The following TRPC7 variants were observed in gnomAD, a reference collection of about 807,000 sequenced individuals.
The protein encoded by TRPC7 is transient receptor potential cation channel subfamily C member 7.
Under a neutral mutation model 90.1 loss-of-function variants are expected in TRPC7, and 42 were observed. The ratio of observed to expected loss-of-function variants is 0.47; its 90% confidence interval spans 0.36 to 0.60. The LOEUF (loss-of-function observed/expected upper bound fraction) is 0.60. Ranked by LOEUF, TRPC7 falls within the 20% of genes least tolerant of loss-of-function variation. The pLI is 0.00. For synonymous variants in TRPC7, 451 were observed against 436.3 expected, an observed-to-expected ratio of 1.03 and a Z score of -0.42; for missense variants, 955 against 1,112.3, an observed-to-expected ratio of 0.86 and a Z score of 2.01.
chr5:136,281,296 G>C (rs1757544521), intron 3 of TRPC7, among the ~76,000 whole-genome samples: 1 of 152,178 alleles, frequency 6.6e-6, no homozygotes, highest in African/African-American at 2.4e-5. Flanking sequence ...TCTACATATA[G>C]AGAAGAATAG....
intron 5 of TRPC7, among the ~76,000 whole-genome samples, chr5:136,262,255 T>G (rs575318037): frequency 3.5e-4 from 53 of 152,298 alleles, no homozygotes; most frequent in African/African-American, 1.1e-3. Flanking sequence ...TGCTGAAAAC[T>G]CTCCAAAGGC....
chr5:136,313,091 A>G (rs1758889514), intron 3 of TRPC7, among the ~76,000 whole-genome samples: 1 of 150,116 alleles, frequency 6.7e-6, no homozygotes, highest in Admixed American at 6.8e-5. Flanking sequence ...TGTTGGCATT[A>G]CAGGCATAAG....
At chr5:136,273,317 G>C (rs1757262659) in intron 4 of TRPC7, among the ~76,000 whole-genome samples, 1 of 152,094 alleles carries the variant, frequency 6.6e-6, no homozygotes, top group South Asian at 2.1e-4. Context: ...AGCTCATAAT[G>C]AAGGACAGAA....
At chr5:136,327,275 C>G (rs1233254499) in intron 2 of TRPC7, among the ~76,000 whole-genome samples, 1 of 152,100 alleles carries the variant, frequency 6.6e-6, no homozygotes, top group African/African-American at 2.4e-5. Context: ...AAATATAATT[C>G]AAAGGTAGAT....
chr5:136,216,209 C>T lies in TRPC7; in HGVS notation c.2410G>A (p.Val804Ile), dbSNP rs764760744. ...AAATCCAGTCATTTACCTTCATTGA[C>T]TTCGTCATTTTCTCTGTCCACCTGG... is the stretch of plus-strand genomic sequence containing the variant. ...KAQVDRENDE[V>I]NEGELKEIKQ... The change falls in exon 11 of 12, where the codon GTC becomes ATC. Residue 804 changes from valine to isoleucine, a missense_variant. Around this residue, in one of 4 missense-constraint regions of TRPC7, gnomAD observed 296 missense variants for 422.7 expected, o/e 0.70. Transcript: ENST00000513104. The T allele has an allele frequency of 2.5e-5, 40 of 1,612,618 alleles. No individual in the cohort carries two copies. The highest frequency in any genetic ancestry group is 2.7e-5 in the African/African-American group (2 of 74,940).
intron 5 of TRPC7, among the ~76,000 whole-genome samples, chr5:136,256,937 G>A (rs1172746245): frequency 6.6e-6 from 1 of 152,114 alleles, no homozygotes; most frequent in Non-Finnish European, 1.5e-5. Context: ...GATAACAATC[G>A]CCTTTGGGGG....
chr5:136,243,302 T>C lies in TRPC7; in HGVS notation c.1844+4169A>G, dbSNP rs371849742. On this transcript the variant is annotated intron_variant, in intron 7 of 11. Coordinates refer to ENST00000513104, the MANE Select transcript of TRPC7 (RefSeq NM_020389.3). ...CCTGAACAGTCTTTAGAGACTCCAA[T>C]TGCCCTTGGATGTGGCAGGAATGGG... is the stretch of plus-strand genomic sequence containing the variant. 4.6e-5 allele frequency among the ~76,000 whole-genome samples: 7 copies of C among 151,610 alleles called. No homozygotes were observed. The East Asian group carries it at 7.8e-4, about 17-fold the overall frequency.
chr5:136,261,478 A>G (rs1053443916), intron 5 of TRPC7, among the ~76,000 whole-genome samples: 2 of 152,192 alleles, frequency 1.3e-5, no homozygotes, highest in African/African-American at 4.8e-5. Context: ...GCTAAGGCCA[A>G]GTCCTCTGCT....
intron 7 of TRPC7, among the ~76,000 whole-genome samples, chr5:136,238,594 G>A (rs1756064256): frequency 7.0e-6 from 1 of 143,102 alleles, no homozygotes; most frequent in Non-Finnish European, 1.5e-5. Context: ...CTGAATTTTA[G>A]TGCATAAAAA....
intron 3 of TRPC7, among the ~76,000 whole-genome samples, chr5:136,275,892 G>A (rs1453043305): frequency 6.6e-6 from 1 of 152,226 alleles, no homozygotes; most frequent in Non-Finnish European, 1.5e-5. Context: ...TCTGTTGAAA[G>A]CAGAAAGAGA....
intron 3 of TRPC7, among the ~76,000 whole-genome samples, chr5:136,291,772 C>T (rs1757965418): frequency 1.3e-5 from 2 of 152,306 alleles, no homozygotes; most frequent in African/African-American, 4.8e-5. Context: ...GAATTGAACT[C>T]AGCTCTGCAC....
chr5:136,290,673 C>A (rs914190519), intron 3 of TRPC7, among the ~76,000 whole-genome samples: 1 of 152,142 alleles, frequency 6.6e-6, no homozygotes, highest in East Asian at 1.9e-4. Context: ...AATTGGTGTA[C>A]CTGAAAGTGA....
chr5:136,290,191 A>C (rs1445223679), intron 3 of TRPC7, among the ~76,000 whole-genome samples: 1 of 152,130 alleles, frequency 6.6e-6, no homozygotes, highest in Non-Finnish European at 1.5e-5. Flanking sequence ...AAAGATGGGG[A>C]AAAAACAGAG....
At chr5:136,312,565 T>C (rs1758868848) in intron 3 of TRPC7, among the ~76,000 whole-genome samples, 1 of 152,166 alleles carries the variant, frequency 6.6e-6, no homozygotes, top group Non-Finnish European at 1.5e-5. Flanking sequence ...CTCAGAGAGC[T>C]TCAATGACTT....
chr5:136,215,653 T>G (rs1755241698), intron 11 of TRPC7, among the ~76,000 whole-genome samples: 1 of 151,878 alleles, frequency 6.6e-6, no homozygotes, highest in Non-Finnish European at 1.5e-5. Context: ...AAACCCCATC[T>G]CTACTAAAAA....
intron 2 of TRPC7, among the ~76,000 whole-genome samples, chr5:136,322,861 T>G (rs1161408526): frequency 6.6e-6 from 1 of 152,250 alleles, no homozygotes; most frequent in Non-Finnish European, 1.5e-5. Flanking sequence ...GTTCTTTATA[T>G]ATTCAGGATA....
At position 136,245,195 on chromosome 5, in the gene TRPC7, T is replaced by C. The variant is rs988092837; in HGVS notation, c.1844+2276A>G. ...GACTGAAACCTAGTCTGTCGGTCCATGGGGTACCAAGGCTCCAACATAGCC... is the reference window on the plus strand; with the variant it reads ...GACTGAAACCTAGTCTGTCGGTCCACGGGGTACCAAGGCTCCAACATAGCC... On this transcript the variant is annotated intron_variant, in intron 7 of 11. Transcript: ENST00000513104. Among the ~76,000 whole-genome samples, 3 of 152,304 alleles carry C rather than the reference T, an allele frequency of 2.0e-5. No homozygotes were observed. The East Asian group carries it at 5.8e-4, about 29-fold the overall frequency.
At chr5:136,318,494 T>A (rs185504751) in intron 2 of TRPC7, among the ~76,000 whole-genome samples, 1 of 152,252 alleles carries the variant, frequency 6.6e-6, no homozygotes, top group Admixed American at 6.5e-5. Flanking sequence ...GATCTCTAGG[T>A]CCCTCTCTCA....
intron 4 of TRPC7, 140 bp downstream of exon 4, chr5:136,274,533 A>T: frequency 2.1e-6 from 2 of 934,278 alleles, no homozygotes; most frequent in Non-Finnish European, 2.9e-6. Flanking sequence ...GTGGTTTCCT[A>T]CTTTCACCGG....
Sources: allele counts gnomAD v4.1 joint callset (sites outside exome capture counted in the v4.1 genomes callset), GRCh38; gene constraint gnomAD v4.1.1; regional missense constraint gnomAD v4.1.1; transcripts MANE v1.5; gene names NCBI Gene and HGNC (gene_info 2026-07-23, HGNC 2026-07-21).